SLC38A2: variants seen among roughly 807,000 people sequenced by gnomAD.
The protein encoded by SLC38A2 is solute carrier family 38 member 2.
SLC38A2 carries 11 observed loss-of-function variants against 61.5 expected under a neutral mutation model. The observed-to-expected ratio is 0.18, with a 90% confidence interval of 0.11 to 0.30. SLC38A2 has a LOEUF of 0.30. Ranked by LOEUF, SLC38A2 falls within the 10% of genes least tolerant of loss-of-function variation. SLC38A2 has a pLI of 1.00. For missense variants in SLC38A2, 522 were observed against 600.4 expected, an observed-to-expected ratio of 0.87 and a Z score of 1.36; for synonymous variants, 217 against 212.5, an observed-to-expected ratio of 1.02 and a Z score of -0.18.
intron 4 of SLC38A2, among the ~76,000 whole-genome samples, chr12:46,369,567 A>AT (rs1943173010): frequency 6.6e-6 from 1 of 152,166 alleles, no homozygotes; most frequent in Non-Finnish European, 1.5e-5. Flanking sequence ...TATCTGTACA[A>AT]TGAAGGTATT....
Position 46,371,228 on chromosome 12 carries a change from G to A in SLC38A2, c.66C>T (p.Ser22=). 1 of 1,614,222 alleles carries A rather than the reference G, an allele frequency of 6.2e-7. No individual in the cohort carries two copies. Among genetic ancestry groups the A allele is most frequent in the Non-Finnish European group, 8.5e-7 (1 of 1,180,032 alleles). Residue 22 remains serine, a synonymous_variant, in exon 2 of 16, where the codon TCC becomes TCT. Coordinates refer to ENST00000256689, the MANE Select transcript of SLC38A2 (RefSeq NM_018976.5). ...GGTAGGAGTAGTTGAAGTCGCTGTT[G>A]GAACTGTAGCTGCTGCTGTCTTCAT... is the stretch of plus-strand genomic sequence containing the variant. ...SPDEDSSSYS[S]NSDFNYSYPT...
intron 7 of SLC38A2, 45 bp from the exon 8 acceptor site, chr12:46,365,234 T>A (rs7968173): frequency 0.64 from 912,268 of 1,430,922 alleles, 295,977 homozygotes; most frequent in African/African-American, 0.9. Context: ...AAATATCCTC[T>A]GAAAAATATA....
intron 7 of SLC38A2, among the ~76,000 whole-genome samples, chr12:46,365,503 T>C (rs891530393): frequency 6.6e-6 from 1 of 152,158 alleles, no homozygotes; most frequent in African/African-American, 2.4e-5. Flanking sequence ...GGAACAAAGC[T>C]TGTTTGTTAA....
intron 1 of SLC38A2, 45 bp downstream of exon 1, chr12:46,372,464 C>T: frequency 2.6e-6 from 1 of 381,822 alleles, no homozygotes; most frequent in East Asian, 3.7e-5. Flanking sequence ...CCACTCTCGC[C>T]CGGGCCCCGC....
At chr12:46,363,517 A>G (rs1371424638) in intron 12 of SLC38A2, among the ~76,000 whole-genome samples, 2 of 152,124 alleles carry the variant, frequency 1.3e-5, no homozygotes, top group Non-Finnish European at 2.9e-5. Flanking sequence ...GATTAATGAT[A>G]TTTTCAAACC....
chr12:46,361,734 C>T (rs748498849), intron 15 of SLC38A2: 6 of 155,834 alleles, frequency 3.9e-5, no homozygotes, highest in Non-Finnish European at 4.2e-5. Flanking sequence ...GACTAAAAAG[C>T]AGTCTTTTTC....
At chr12:46,370,692 G>T in intron 3 of SLC38A2, 65 bp from the exon 4 acceptor site, 2 of 1,548,568 alleles carry the variant, frequency 1.3e-6, no homozygotes, top group Non-Finnish European at 1.8e-6. Context: ...CCAGCTTTGG[G>T]CAAGTTAGAT....
In SLC38A2 at chr12:46,359,172, G is replaced by A. The variant is rs1393404494; in HGVS notation, c.*1939C>T. On this transcript the variant is annotated 3_prime_UTR_variant, in exon 16 of 16. Transcript: ENST00000256689. ...ATACAAAGTCAGCAACTCTTTCCAGGAGCTCATGCAAATTTGCCAATTCTT... is the reference window on the plus strand; with the variant it reads ...ATACAAAGTCAGCAACTCTTTCCAGAAGCTCATGCAAATTTGCCAATTCTT... 4 of 152,444 alleles carry A rather than the reference G, an allele frequency of 2.6e-5. No individual in the cohort carries two copies. The East Asian group carries it at 5.8e-4, about 22-fold the overall frequency. The allele number at this position is 152,444 out of a possible 1,614,324, so 9.4% of individuals were successfully genotyped here.
rs1366233428 is a variant in SLC38A2, at chr12:46,371,838, C to T, written c.-86-459G>A. Among the ~76,000 whole-genome samples the T allele has an allele frequency of 2.6e-5, 4 of 152,314 alleles. No individual in the cohort carries two copies. The South Asian group carries it at 6.2e-4, about 24-fold the overall frequency. ...TAATCTGTCCTTTACTGCCCGGAGT[C>T]CCCACACGGAGAAATGCCTCTGCCG... On this transcript the variant is annotated intron_variant, in intron 1 of 15. Coordinates refer to ENST00000256689, the MANE Select transcript of SLC38A2 (RefSeq NM_018976.5).
chr12:46,370,879 A>G (rs778034905), intron 2 of SLC38A2, 22 bp from the exon 3 acceptor site: 10 of 1,560,574 alleles, frequency 6.4e-6, no homozygotes, highest in South Asian at 3.5e-5. Flanking sequence ...ATAGACATAT[A>G]TAATTGTAAA....
intron 1 of SLC38A2, 140 bp from the exon 2 acceptor site, chr12:46,371,519 C>T: frequency 2.0e-6 from 1 of 505,940 alleles, no homozygotes. Context: ...GGGGCGGGGG[C>T]GCGCCGAGGG....
Position 46,372,630 on chromosome 12 carries a change from TA to T in SLC38A2, c.-209del, listed in dbSNP as rs1943218537. On this transcript the variant is annotated 5_prime_UTR_variant, in exon 1 of 16. Coordinates refer to ENST00000256689, the MANE Select transcript of SLC38A2 (RefSeq NM_018976.5). ...CAACAGGCAGGAAAAATAATTTTAA[TA>T]AAAAAGGAAAAGACAAATTGCCGCC... The T allele has an allele frequency of 1.5e-5, 6 of 398,384 alleles. No individual in the cohort carries two copies. In the East Asian group the frequency reaches 2.1e-4, roughly 14 times the overall value. 24.7% of individuals were successfully genotyped at this position (398,384 alleles called of 1,614,324 possible). A position where few individuals can be genotyped will look rare whatever the true frequency, so the allele number is the denominator to read the frequency against.
intron 4 of SLC38A2, among the ~76,000 whole-genome samples, chr12:46,369,448 A>C (rs1380573622): frequency 6.6e-6 from 1 of 152,184 alleles, no homozygotes; most frequent in Non-Finnish European, 1.5e-5. Flanking sequence ...TCTTTTCATG[A>C]ACATTCTATC....
chr12:46,360,219 T>C lies in SLC38A2; in HGVS notation c.*892A>G, dbSNP rs1006315030. The C allele has an allele frequency of 2.0e-5, 3 of 152,668 alleles. No individual in the cohort carries two copies. Among genetic ancestry groups the C allele is most frequent in the African/African-American group, 7.2e-5 (3 of 41,466 alleles). 9.5% of individuals were successfully genotyped at this position (152,668 alleles called of 1,614,324 possible). On this transcript the variant is annotated 3_prime_UTR_variant, in exon 16 of 16. Transcript: ENST00000256689. ...ACCCTGTTTTACCCAATTGCACTAT[T>C]TGGTACCTCAAAATTAGTTATTTTA...
At chr12:46,370,712 A>C (rs1256932523) in intron 3 of SLC38A2, 64 bp downstream of exon 3, 1 of 1,538,034 alleles carries the variant, frequency 6.5e-7, no homozygotes, top group Non-Finnish European at 9.0e-7. Flanking sequence ...TTTGAATTCT[A>C]AAAGTAAAAC....
At chr12:46,364,609 TA>T (rs780702136) in intron 9 of SLC38A2, 34 bp downstream of exon 9, 3 of 1,594,954 alleles carry the variant, frequency 1.9e-6, no homozygotes, top group East Asian at 2.2e-5. Flanking sequence ...GCAGGGCTTA[TA>T]AAAAATTTTT....
intron 7 of SLC38A2, chr12:46,365,453 A>G (rs868289708): frequency 3.6e-6 from 2 of 548,012 alleles, no homozygotes; most frequent in Non-Finnish European, 3.2e-6. Context: ...CAGCTGATTC[A>G]TAACACAAAA....
chr12:46,370,962 T>C (rs1028473155), intron 2 of SLC38A2, 105 bp from the exon 3 acceptor site: 7 of 901,050 alleles, frequency 7.8e-6, no homozygotes, highest in Non-Finnish European at 1.2e-5. Context: ...ATAGCTCTGA[T>C]ACAACATCTT....
chr12:46,371,448 A>C (rs1287026560), intron 1 of SLC38A2, 69 bp from the exon 2 acceptor site: 2 of 620,814 alleles, frequency 3.2e-6, no homozygotes, highest in Non-Finnish European at 2.8e-6. Context: ...CGCCGCCCGG[A>C]GGCGCAGCGC....
Sources: gnomAD v4.1 joint callset for allele counts (sites outside exome capture counted in the v4.1 genomes callset) on GRCh38, gnomAD v4.1.1 for gene constraint, MANE v1.5 for transcripts, NCBI Gene and HGNC (gene_info 2026-07-23, HGNC 2026-07-21) for gene names.